ZHX2: variants seen among roughly 807,000 people sequenced by gnomAD.
ZHX2 encodes the protein zinc fingers and homeoboxes 2.
In ZHX2, 6 loss-of-function variants were observed where a neutral mutation model predicts 21.9. That is an observed-to-expected ratio of 0.27 (90% confidence interval 0.15 to 0.54). The LOEUF (loss-of-function observed/expected upper bound fraction) is 0.54, where lower values mean the gene tolerates loss of function less well. ZHX2 is among the 20% of genes least tolerant of loss of function. ZHX2 has a pLI of 0.95. For synonymous variants in ZHX2, 434 were observed against 437.1 expected (o/e 0.99, Z 0.09); for missense variants, 908 against 1,090.7 (o/e 0.83, Z 2.36).
At chr8:122,850,902 C>T (rs991831933) in intron 1 of ZHX2, among the ~76,000 whole-genome samples, 4 of 152,190 alleles carry the variant, frequency 2.6e-5, no homozygotes, top group South Asian at 2.1e-4. Context: ...GCCCCACATC[C>T]TCACCTGCCC....
intron 1 of ZHX2, among the ~76,000 whole-genome samples, chr8:122,850,848 A>G (rs964256268): frequency 3.3e-5 from 5 of 151,690 alleles, no homozygotes; most frequent in Non-Finnish European, 5.9e-5. Flanking sequence ...TCATTCCCCT[A>G]TCTCACTCAG....
At chr8:122,784,405 C>T (rs1054937360) in intron 1 of ZHX2, among the ~76,000 whole-genome samples, 3 of 152,160 alleles carry the variant, frequency 2.0e-5, no homozygotes, top group Non-Finnish European at 4.4e-5. Context: ...AAGAAACTTG[C>T]CTGAGCGACA....
intron 2 of ZHX2, among the ~76,000 whole-genome samples, chr8:122,910,568 T>G (rs576116354): frequency 2.6e-5 from 4 of 152,364 alleles, no homozygotes; most frequent in African/African-American, 9.6e-5. Flanking sequence ...GGCAAAAGGC[T>G]TCTTCCTTTC....
At chr8:122,816,094 A>AG (rs1245502460) in intron 1 of ZHX2, among the ~76,000 whole-genome samples, 1 of 151,546 alleles carries the variant, frequency 6.6e-6, no homozygotes, top group Non-Finnish European at 1.5e-5. Flanking sequence ...AAAAAAAAAA[A>AG]AAAAGGGAGA....
chr8:122,928,202 C>T (rs1055081636), intron 2 of ZHX2, among the ~76,000 whole-genome samples: 1 of 152,126 alleles, frequency 6.6e-6, no homozygotes, highest in Non-Finnish European at 1.5e-5. Flanking sequence ...TTAGTGGCTG[C>T]TCAAATATCT....
intron 1 of ZHX2, among the ~76,000 whole-genome samples, chr8:122,824,848 C>T (rs1483303447): frequency 1.3e-5 from 2 of 152,210 alleles, no homozygotes; most frequent in Non-Finnish European, 2.9e-5. Flanking sequence ...CTTCTGGAGG[C>T]TCTGGAGGAG....
intron 1 of ZHX2, among the ~76,000 whole-genome samples, chr8:122,841,515 T>G (rs1461413841): frequency 2.6e-5 from 4 of 152,040 alleles, no homozygotes; most frequent in Admixed American, 1.3e-4. Context: ...CACAGAGTTC[T>G]TGTACATACA....
At chr8:122,885,730 C>T (rs1355683325) in intron 2 of ZHX2, among the ~76,000 whole-genome samples, 3 of 152,090 alleles carry the variant, frequency 2.0e-5, no homozygotes, top group African/African-American at 4.8e-5. Flanking sequence ...TGACAGACCC[C>T]CCAACTAAGA....
At chr8:122,918,939 T>A (rs1366077124) in intron 2 of ZHX2, among the ~76,000 whole-genome samples, 19 of 138,522 alleles carry the variant, frequency 1.4e-4, no homozygotes, top group Non-Finnish European at 2.8e-4. Flanking sequence ...CGAGCAAGAC[T>A]CCACCTCAAA....
chr8:122,933,183 C>G (rs1173055395), intron 2 of ZHX2, among the ~76,000 whole-genome samples: 1 of 152,164 alleles, frequency 6.6e-6, no homozygotes, highest in Non-Finnish European at 1.5e-5. Context: ...GCAGAGAAAT[C>G]TCATTCCTCT....
At chr8:122,863,671 A>G (rs1024313764) in intron 2 of ZHX2, 132 bp downstream of exon 2, 1 of 152,454 alleles carries the variant, frequency 6.6e-6, no homozygotes, top group African/African-American at 2.4e-5. Flanking sequence ...GTGTGCCTGG[A>G]AACAGCACAG....
At chr8:122,926,278 AGGGTTGAG>A (rs1456897920) in intron 2 of ZHX2, among the ~76,000 whole-genome samples, 1 of 152,142 alleles carries the variant, frequency 6.6e-6, no homozygotes, top group Non-Finnish European at 1.5e-5. Context: ...GTGCGGAACA[AGGGTTGAG>A]GGCCCTGCCT....
intron 2 of ZHX2, among the ~76,000 whole-genome samples, chr8:122,945,735 C>G (rs1812959311): frequency 6.6e-6 from 1 of 152,198 alleles, no homozygotes; most frequent in South Asian, 2.1e-4. Flanking sequence ...CCTCCCTTCT[C>G]TTGGGAACCA....
At chr8:122,958,207 A>G (rs1217918597) in intron 3 of ZHX2, among the ~76,000 whole-genome samples, 1 of 152,196 alleles carries the variant, frequency 6.6e-6, no homozygotes, top group African/African-American at 2.4e-5. Context: ...TTAGGACAGC[A>G]TTTGACTCAG....
At chr8:122,785,025 G>C (rs1478010971) in intron 1 of ZHX2, among the ~76,000 whole-genome samples, 2 of 152,200 alleles carry the variant, frequency 1.3e-5, no homozygotes, top group African/African-American at 2.4e-5. Flanking sequence ...AGTTTGAGCC[G>C]ACTGCGGGGA....
chr8:122,908,154 G>A (rs1820389655), intron 2 of ZHX2, among the ~76,000 whole-genome samples: 2 of 152,158 alleles, frequency 1.3e-5, no homozygotes. Context: ...AGCACAAATG[G>A]AAGGGTGAGA....
intron 2 of ZHX2, among the ~76,000 whole-genome samples, chr8:122,939,819 AT>A (rs1347403540): frequency 1.3e-4 from 20 of 152,314 alleles, no homozygotes; most frequent in Admixed American, 1.2e-3. Flanking sequence ...GCAGCACCTG[AT>A]ACAGTGCCTG....
chr8:122,810,159 C>G (rs1185764030), intron 1 of ZHX2, among the ~76,000 whole-genome samples: 1 of 152,194 alleles, frequency 6.6e-6, no homozygotes, highest in Non-Finnish European at 1.5e-5. Context: ...GACCTAAGTG[C>G]CAGCCCTAGA....
intron 1 of ZHX2, among the ~76,000 whole-genome samples, chr8:122,810,048 A>AAT (rs1298581840): frequency 6.6e-5 from 10 of 152,190 alleles, no homozygotes; most frequent in East Asian, 1.9e-4. Flanking sequence ...GTCTGCTAAA[A>AAT]ATATATATAT....
Sources: allele counts gnomAD v4.1 joint callset (sites outside exome capture counted in the v4.1 genomes callset), GRCh38; gene constraint gnomAD v4.1.1; transcripts MANE v1.5; gene names NCBI Gene and HGNC (gene_info 2026-07-23, HGNC 2026-07-21).